SYNPR: variants seen among roughly 807,000 people sequenced by gnomAD.
SYNPR encodes the protein synaptoporin.
Under a neutral mutation model 32.9 loss-of-function variants are expected in SYNPR, and 23 were observed. That is an observed-to-expected ratio of 0.70 (90% CI 0.50 to 0.99). SYNPR has a LOEUF of 0.99. SYNPR is among the 50% of genes least tolerant of loss of function. The pLI is 0.00. For synonymous variants in SYNPR, 146 were observed against 135.9 expected, an observed-to-expected ratio of 1.07 and a Z score of -0.52; for missense variants, 318 against 349.3, an observed-to-expected ratio of 0.91 and a Z score of 0.71.
chr3:63,516,216 T>A (rs1465581175), intron 3 of SYNPR, among the ~76,000 whole-genome samples: 1 of 152,126 alleles, frequency 6.6e-6, no homozygotes, highest in Non-Finnish European at 1.5e-5. Context: ...ATCATGGTTT[T>A]GGTTAGAAAA....
chr3:63,545,234 T>A (rs1178429646), intron 3 of SYNPR, among the ~76,000 whole-genome samples: 1 of 152,078 alleles, frequency 6.6e-6, no homozygotes, highest in Non-Finnish European at 1.5e-5. Flanking sequence ...TTGGACAAAA[T>A]GTAAAATAGT....
At chr3:63,455,135 C>T (rs1393755967) in intron 2 of SYNPR, among the ~76,000 whole-genome samples, 1 of 151,972 alleles carries the variant, frequency 6.6e-6, no homozygotes, top group Non-Finnish European at 1.5e-5. Context: ...GCTAAGTGTC[C>T]AATAGGTACC....
At chr3:63,353,153 AAC>A (rs2087532781) in intron 2 of SYNPR, among the ~76,000 whole-genome samples, 1 of 152,256 alleles carries the variant, frequency 6.6e-6, no homozygotes, top group South Asian at 2.1e-4. Context: ...CTCATTCATT[AAC>A]ACAGAGTTGC....
chr3:63,484,856 T>C (rs1701115318), intron 3 of SYNPR, among the ~76,000 whole-genome samples: 1 of 152,138 alleles, frequency 6.6e-6, no homozygotes, highest in African/African-American at 2.4e-5. Context: ...CAACGAAAAT[T>C]TATCAAGGAC....
At chr3:63,539,475 T>C (rs567708930) in intron 3 of SYNPR, among the ~76,000 whole-genome samples, 2 of 152,210 alleles carry the variant, frequency 1.3e-5, no homozygotes, top group African/African-American at 4.8e-5. Flanking sequence ...AAAACTGTCC[T>C]CAAAACATCA....
At chr3:63,418,291 G>A (rs1393677445) in intron 2 of SYNPR, among the ~76,000 whole-genome samples, 1 of 152,088 alleles carries the variant, frequency 6.6e-6, no homozygotes, top group East Asian at 1.9e-4. Context: ...ATCTTCATCT[G>A]AGACCACCTC....
chr3:63,422,501 G>A lies in SYNPR; in HGVS notation c.85-58331G>A, dbSNP rs148842591. 9.7e-4 allele frequency among the ~76,000 whole-genome samples: 148 copies of A among 152,284 alleles called. 2 individuals are homozygous for A. The highest frequency in any genetic ancestry group is 3.4e-3 in the Middle Eastern group (1 of 294). On this transcript the variant is annotated intron_variant, in intron 2 of 5. Transcript: ENST00000478300. Reference sequence around the variant, plus strand: ...GGAAATCTTCAATATCTCAATTGTGGTGCTGGTTTTATGGGTATAAGCATT... The same window carrying A: ...GGAAATCTTCAATATCTCAATTGTGATGCTGGTTTTATGGGTATAAGCATT...
At chr3:63,244,921 C>A (rs766432389) in intron 1 of SYNPR, among the ~76,000 whole-genome samples, 21 of 152,176 alleles carry the variant, frequency 1.4e-4, no homozygotes, top group South Asian at 8.3e-4. Context: ...CATGACTGGT[C>A]TGCTTCAAAG....
At chr3:63,479,446 G>GCGCGCGCA (rs6147854) in intron 2 of SYNPR, among the ~76,000 whole-genome samples, 21 of 135,846 alleles carry the variant, frequency 1.5e-4, no homozygotes, top group South Asian at 2.1e-4. Context: ...CCACACACAT[G>GCGCGCGCA]CACACACACA....
chr3:63,568,777 A>G (rs1000595653), intron 4 of SYNPR, among the ~76,000 whole-genome samples: 2 of 152,166 alleles, frequency 1.3e-5, no homozygotes, highest in Non-Finnish European at 2.9e-5. Flanking sequence ...TGAGGCCCTG[A>G]ATTCAGCCAC....
chr3:63,482,414 A>T (rs911234914), intron 3 of SYNPR, among the ~76,000 whole-genome samples: 1 of 152,200 alleles, frequency 6.6e-6, no homozygotes, highest in African/African-American at 2.4e-5. Context: ...CCATGTATAA[A>T]ATAGACATGA....
the SYNPR span, chr3:63,203,070 A>ATG: frequency 1.2e-4 from 1 of 8,378 alleles, no homozygotes; most frequent in African/African-American, 3.6e-4. Flanking sequence ...ATGTATGTGT[A>ATG]TATATATATA....
At chr3:63,501,528 A>G (rs1006045009) in intron 3 of SYNPR, among the ~76,000 whole-genome samples, 2 of 151,278 alleles carry the variant, frequency 1.3e-5, no homozygotes, top group African/African-American at 4.8e-5. Context: ...AAGAAAAAGA[A>G]AAAATAATAG....
chr3:63,516,584 C>T (rs936855323), intron 3 of SYNPR, among the ~76,000 whole-genome samples: 4 of 152,092 alleles, frequency 2.6e-5, no homozygotes, highest in African/African-American at 4.8e-5. Flanking sequence ...AATGAAGTCT[C>T]ACCTTTATTT....
chr3:63,442,389 T>C (rs2107161604), intron 2 of SYNPR, among the ~76,000 whole-genome samples: 2 of 152,218 alleles, frequency 1.3e-5, no homozygotes, highest in East Asian at 3.9e-4. Context: ...GGACCCAAAG[T>C]AGGGGGCGGG....
chr3:63,515,504 C>T (rs1364715360), intron 3 of SYNPR, among the ~76,000 whole-genome samples: 1 of 152,096 alleles, frequency 6.6e-6, no homozygotes, highest in Non-Finnish European at 1.5e-5. Context: ...TCCTAGTCAG[C>T]TCAGTATGAA....
At chr3:63,574,199 G>A (rs1246713664) in intron 4 of SYNPR, among the ~76,000 whole-genome samples, 2 of 152,064 alleles carry the variant, frequency 1.3e-5, no homozygotes, top group South Asian at 4.2e-4. Context: ...AGTGTTTTGG[G>A]GAACAATATT....
chr3:63,347,911 GTGTGTGTA>G (rs764394370), intron 2 of SYNPR, among the ~76,000 whole-genome samples: 3 of 120,750 alleles, frequency 2.5e-5, no homozygotes, highest in South Asian at 2.8e-4. Flanking sequence ...GTGTGTGTGT[GTGTGTGTA>G]TGTATATATC....
At position 63,278,679 on chromosome 3, in the gene SYNPR, G is replaced by A; in HGVS notation, c.21G>A (p.Leu7=). The part of the protein sequence containing the change: MDPVSQ[L]ASAGTFRVLK... The stretch of plus-strand genomic sequence containing the variant: ...TCTCTCGCCTCATTCCCCCAAAGCT[G>A]GCCTCTGCGGGCACCTTCCGGGTGC... Residue 7 remains leucine, a splice_region_variant and synonymous_variant, in exon 2 of 6, where the codon CTG becomes CTA. Coordinates refer to ENST00000478300, the MANE Select transcript of SYNPR (RefSeq NM_001130003.2). 1 of 1,551,694 alleles carries A rather than the reference G, an allele frequency of 6.4e-7. No homozygotes were observed.
Sources: gnomAD v4.1 joint callset for allele counts (sites outside exome capture counted in the v4.1 genomes callset) on GRCh38, gnomAD v4.1.1 for gene constraint, MANE v1.5 for transcripts, NCBI Gene and HGNC (gene_info 2026-07-23, HGNC 2026-07-21) for gene names.